Variants in CLIC5 observed in about 807,000 individuals in gnomAD.
CLIC5 encodes the protein chloride intracellular channel protein 5.
A neutral mutation model predicts 24.7 loss-of-function variants in CLIC5; 20 were observed. The ratio of observed to expected loss-of-function variants is 0.81; its 90% CI spans 0.57 to 1.18. The LOEUF is 1.18. Among genes scored for constraint, CLIC5 ranks in the 50% most tolerant of loss-of-function variants. The probability of loss-of-function intolerance (pLI) is 0.00; values close to 1 mark genes in which losing one functional copy is unlikely to be tolerated. For missense variants in CLIC5, 341 were observed against 326.1 expected (o/e 1.05, Z -0.35); for synonymous variants, 159 against 135.6 (o/e 1.17, Z -1.20).
chr6:45,914,921 T>G (rs1762967646), intron 4 of CLIC5, among the ~76,000 whole-genome samples: 2 of 151,832 alleles, frequency 1.3e-5, no homozygotes, highest in African/African-American at 2.4e-5. Context: ...GCCAATTTAT[T>G]TATTTATTTG....
Position 45,902,540 on chromosome 6 carries a change from G to A in CLIC5, c.*548C>T, listed in dbSNP as rs1415947453. 1 of 154,532 alleles carries A rather than the reference G, an allele frequency of 6.5e-6. No individual in the cohort carries two copies. The highest frequency in any genetic ancestry group is 1.4e-5 in the Non-Finnish European group (1 of 69,314). The allele number at this position is 154,532 out of a possible 1,614,324, so 9.6% of individuals were successfully genotyped here. On this transcript the variant is annotated 3_prime_UTR_variant, in exon 6 of 6. Coordinates refer to ENST00000339561, the MANE Select transcript of CLIC5 (RefSeq NM_016929.5). ...TGGCCCTTAGTGCCCAATAACCAGA[G>A]TGTCAGAAGTAGTGAGACTGAAGCT...
chr6:45,930,441 G>A (rs1179133128), intron 4 of CLIC5, among the ~76,000 whole-genome samples: 1 of 152,166 alleles, frequency 6.6e-6, no homozygotes. Context: ...CCCTTGGTGT[G>A]GGGGACAGAT....
In CLIC5 at chr6:45,898,598, G is replaced by T. The variant is rs1762433350; in HGVS notation, c.*4490C>A. The T allele has an allele frequency of 6.6e-6, 1 of 152,620 alleles. No homozygotes were observed. Among genetic ancestry groups the T allele is most frequent in the Admixed American group, 6.5e-5 (1 of 15,280 alleles). 9.5% of individuals were successfully genotyped at this position (152,620 alleles called of 1,614,324 possible). A position where few individuals can be genotyped will look rare whatever the true frequency, so the allele number is the denominator to read the frequency against. On this transcript the variant is annotated 3_prime_UTR_variant, in exon 6 of 6. Transcript: ENST00000339561. ...AGGCATTTTACATTTATTAAGGCTT[G>T]AAAGCAAGTCCTGTTATTCATCACC...
chr6:46,112,591 G>A, the CLIC5 span, among the ~76,000 whole-genome samples: 1 of 152,106 alleles, frequency 6.6e-6, no homozygotes, highest in African/African-American at 2.4e-5. Context: ...GACTTTTGTG[G>A]GTTATTAGCA....
intron 5 of CLIC5, among the ~76,000 whole-genome samples, chr6:45,911,045 C>T (rs940942134): frequency 6.6e-6 from 1 of 152,216 alleles, no homozygotes; most frequent in Non-Finnish European, 1.5e-5. Flanking sequence ...TGAGCTTGGA[C>T]CCTGGCACCA....
intron 1 of CLIC5, among the ~76,000 whole-genome samples, chr6:46,067,309 T>G (rs937826419): frequency 2.0e-5 from 3 of 151,818 alleles, no homozygotes; most frequent in Admixed American, 6.6e-5. Context: ...AAATTGCCCT[T>G]TAAAAAATGG....
At chr6:45,974,561 AG>A in intron 1 of CLIC5, among the ~76,000 whole-genome samples, 3 of 133,800 alleles carry the variant, frequency 2.2e-5, no homozygotes, top group African/African-American at 8.5e-5. Context: ...AGAGAGAGAG[AG>A]AGAAAGAGAG....
intron 1 of CLIC5, among the ~76,000 whole-genome samples, chr6:45,984,558 G>A (rs183037704): frequency 1.1e-4 from 17 of 152,336 alleles, no homozygotes; most frequent in African/African-American, 3.1e-4. Context: ...AATGTAGTAC[G>A]TGTGCTTCAT....
chr6:45,966,824 A>T (rs1404179923), intron 1 of CLIC5, among the ~76,000 whole-genome samples: 1 of 152,224 alleles, frequency 6.6e-6, no homozygotes, highest in African/African-American at 2.4e-5. Context: ...TTTTGGATCA[A>T]GATGTCTGAA....
chr6:45,995,048 A>T (rs1356780898), intron 1 of CLIC5, among the ~76,000 whole-genome samples: 2 of 152,158 alleles, frequency 1.3e-5, no homozygotes, highest in East Asian at 3.9e-4. Context: ...TAAAGAAAGA[A>T]ATGTTTTTTT....
chr6:45,911,752 G>A, intron 5 of CLIC5: 4 of 985,376 alleles, frequency 4.1e-6, no homozygotes, highest in Non-Finnish European at 4.8e-6. Context: ...TGTCTCCAGG[G>A]CTGAACATCG....
intron 5 of CLIC5, among the ~76,000 whole-genome samples, chr6:45,905,283 T>C (rs1269334132): frequency 6.6e-6 from 1 of 152,232 alleles, no homozygotes; most frequent in African/African-American, 2.4e-5. Flanking sequence ...GTTCTGCTTT[T>C]AGTTCTTTGA....
At chr6:45,908,259 G>T (rs138067751) in intron 5 of CLIC5, among the ~76,000 whole-genome samples, 26 of 152,062 alleles carry the variant, frequency 1.7e-4, no homozygotes, top group African/African-American at 6.3e-4. Context: ...GAATTTTTGG[G>T]TCTCAATTTC....
chr6:45,935,535 G>A (rs1763899248), intron 4 of CLIC5, among the ~76,000 whole-genome samples: 1 of 152,186 alleles, frequency 6.6e-6, no homozygotes, highest in Admixed American at 6.5e-5. Context: ...TGAACCTCCA[G>A]GTCTAAACCC....
At chr6:45,977,148 C>T (rs1304742165) in intron 1 of CLIC5, among the ~76,000 whole-genome samples, 2 of 151,898 alleles carry the variant, frequency 1.3e-5, no homozygotes, top group South Asian at 2.1e-4. Flanking sequence ...TTTTATTTCA[C>T]CCTTGAATAA....
intron 1 of CLIC5, chr6:46,079,662 A>G (rs1278250186): frequency 2.0e-6 from 3 of 1,485,666 alleles, no homozygotes; most frequent in Non-Finnish European, 2.7e-6. Context: ...CAGCCATAAT[A>G]TCTGCATGAA....
chr6:45,961,051 A>G (rs1344414153), intron 1 of CLIC5, among the ~76,000 whole-genome samples: 1 of 152,234 alleles, frequency 6.6e-6, no homozygotes, highest in African/African-American at 2.4e-5. Flanking sequence ...TTGGACCCAG[A>G]CTACATCAGA....
intron 1 of CLIC5, among the ~76,000 whole-genome samples, chr6:45,971,321 C>G (rs1765193325): frequency 6.6e-6 from 1 of 152,292 alleles, no homozygotes; most frequent in South Asian, 2.1e-4. Context: ...AAGCATATCA[C>G]TTATATCTTA....
At chr6:45,908,686 A>C (rs986731621) in intron 5 of CLIC5, among the ~76,000 whole-genome samples, 39 of 152,010 alleles carry the variant, frequency 2.6e-4, no homozygotes, top group Non-Finnish European at 5.0e-4. Flanking sequence ...TTGCTTTATG[A>C]CTGAGCATGT....
Sources: allele counts gnomAD v4.1 joint callset (sites outside exome capture counted in the v4.1 genomes callset), GRCh38; gene constraint gnomAD v4.1.1; transcripts MANE v1.5; gene names NCBI Gene and HGNC (gene_info 2026-07-23, HGNC 2026-07-21).